The following ERAP2 variants were observed in gnomAD, a reference collection of about 807,000 sequenced individuals.
ERAP2 encodes leukocyte-derived arginine aminopeptidase.
A neutral mutation model predicts 111.1 loss-of-function variants in ERAP2; 118 were observed. The ratio of observed to expected loss-of-function variants is 1.06; its 90% CI spans 0.92 to 1.24. The LOEUF is 1.24. ERAP2 is among the 50% of genes most tolerant of loss of function. ERAP2 has a pLI of 0.00. For missense variants in ERAP2, 1,131 were observed against 1,125.8 expected, an observed-to-expected ratio of 1.00 and a Z score of -0.07; for synonymous variants, 410 against 401.2, an observed-to-expected ratio of 1.02 and a Z score of -0.26.
At chr5:96,889,341 G>C in intron 5 of ERAP2, 36 bp downstream of exon 5, 1 of 1,612,484 alleles carries the variant, frequency 6.2e-7, no homozygotes, top group Non-Finnish European at 8.5e-7. Context: ...CTTCATTTTT[G>C]CTCATAAAAC....
At chr5:96,893,255 T>C (rs537920288) in intron 6 of ERAP2, among the ~76,000 whole-genome samples, 2 of 152,318 alleles carry the variant, frequency 1.3e-5, no homozygotes, top group South Asian at 4.1e-4. Flanking sequence ...AGTAAATTAT[T>C]AAAGTCACCA....
chr5:96,917,650 T>C lies in ERAP2; in HGVS notation c.*45T>C. On this transcript the variant is annotated 3_prime_UTR_variant, in exon 19 of 19. Coordinates refer to ENST00000437043, the MANE Select transcript of ERAP2 (RefSeq NM_022350.5). ...GGCTGGGCGCGGTGGCTCACGCCTG[T>C]AATCCCAGCACTTTGGGAGGCTGAG... is the stretch of plus-strand genomic sequence containing the variant. 1.4e-6 allele frequency: 2 copies of C among 1,424,738 alleles called. No individual in the cohort carries two copies. The highest frequency in any genetic ancestry group is 1.2e-5 in the South Asian group (1 of 84,380). The allele number at this position is 1,424,738 out of a possible 1,614,324, so 88.3% of individuals were successfully genotyped here. A position where few individuals can be genotyped will look rare whatever the true frequency, so the allele number is the denominator to read the frequency against.
chr5:96,900,190 G>A lies in ERAP2; in HGVS notation c.1572+1G>A, dbSNP rs1253996388. ...GGATCCCAAGATGACAAGTAACATG[G>A]TAAGGATAAAGAGAGTCACAGAGTA... On this transcript the variant is annotated splice_donor_variant, in intron 10 of 18. Transcript: ENST00000437043. LOFTEE classifies it high-confidence loss of function. 1.2e-6 allele frequency: 2 copies of A among 1,613,750 alleles called. No homozygotes were observed. The highest frequency in any genetic ancestry group is 4.5e-5 in the East Asian group (2 of 44,870).
chr5:96,911,080 T>C, intron 15 of ERAP2, among the ~76,000 whole-genome samples: 1 of 152,332 alleles, frequency 6.6e-6, no homozygotes, highest in Admixed American at 6.5e-5. Context: ...ATAGAGGAAG[T>C]AGCCAAAGCA....
intron 1 of ERAP2, among the ~76,000 whole-genome samples, chr5:96,877,377 CTT>C (rs1163507205): frequency 6.6e-6 from 1 of 152,202 alleles, no homozygotes; most frequent in African/African-American, 2.4e-5. Flanking sequence ...TCTCTCTACT[CTT>C]ATCAATCAAG....
chr5:96,889,066 G>A lies in ERAP2; in HGVS notation c.850-119G>A. ...TATCCTTATTGACAACATGCTTAAT[G>A]GTATCTTAATACTTTCTTGAAAAGA... On this transcript the variant is annotated intron_variant, in intron 4 of 18. Transcript: ENST00000437043. The A allele has an allele frequency of 5.9e-6, 7 of 1,186,974 alleles. 1 individual carries two copies. Among genetic ancestry groups the A allele is most frequent in the Middle Eastern group, 2.0e-4 (1 of 5,060 alleles). The allele number at this position is 1,186,974 out of a possible 1,614,324, so 73.5% of individuals were successfully genotyped here. A position where few individuals can be genotyped will look rare whatever the true frequency, so the allele number is the denominator to read the frequency against.
At chr5:96,889,614 T>C in intron 5 of ERAP2, 1 of 650,866 alleles carries the variant, frequency 1.5e-6, no homozygotes, top group Admixed American at 2.4e-5. Flanking sequence ...AGGTAGAGGG[T>C]CCAGGAAAGA....
rs978341044 is a variant in ERAP2, at chr5:96,909,690, C to T, written c.2280C>T (p.Asp760=). 2.5e-6 allele frequency: 4 copies of T among 1,614,064 alleles called. No homozygotes were observed. In the African/African-American group the frequency reaches 5.3e-5, roughly 22 times the overall value. Residue 760 remains aspartate (D), a synonymous_variant, in exon 15 of 19, where the codon GAC becomes GAT. Coordinates refer to ENST00000437043, the MANE Select transcript of ERAP2 (RefSeq NM_022350.5). The part of the protein sequence containing the change: ...LRSALLKLAC[D]LNHAPCIQKA... Reference sequence around the variant, plus strand: ...CGGCTCTCTTGAAGCTGGCCTGTGACCTGAACCATGCTCCTTGCATCCAGA... The same window carrying T: ...CGGCTCTCTTGAAGCTGGCCTGTGATCTGAACCATGCTCCTTGCATCCAGA...
At chr5:96,892,579 A>C in intron 6 of ERAP2, 126 bp downstream of exon 6, 1 of 1,035,304 alleles carries the variant, frequency 9.7e-7, no homozygotes, top group Non-Finnish European at 1.4e-6. Flanking sequence ...GAGACTACTA[A>C]ACCTAACACA....
chr5:96,889,058 T>G (rs1784056458), intron 4 of ERAP2, 127 bp from the exon 5 acceptor site: 2 of 1,133,114 alleles, frequency 1.8e-6, no homozygotes, highest in Admixed American at 2.6e-5. Context: ...ATTGACAACA[T>G]GCTTAATGGT....
In ERAP2 at chr5:96,879,961, TG is replaced by T. The variant is rs1323442116; in HGVS notation, c.277del (p.Ala93HisfsTer39). On this transcript the variant is annotated frameshift_variant, in exon 2 of 19. Transcript: ENST00000437043. LOFTEE classifies it high-confidence loss of function. ...HPNLTSLDFVASEKIEVLVSN... is the reference protein window; with the variant it reads ...HPNLTSLDFVXSEKIEVLVSN... ...CCAATCTCACCTCTCTGGACTTTGT[TG>T]CATCTGAGAAGATCGAAGTCTTGGT... is the stretch of plus-strand genomic sequence containing the variant. 1.9e-6 allele frequency: 3 copies of T among 1,614,080 alleles called. No homozygotes were observed. In the African/African-American group the frequency reaches 4.0e-5, roughly 22 times the overall value.
chr5:96,879,928 T>A lies in ERAP2; in HGVS notation c.243T>A (p.Phe81Leu). Residue 81 changes from phenylalanine (F) to leucine (L), a missense_variant, in exon 2 of 19, where the codon TTT (phenylalanine) becomes TTA (leucine). Transcript: ENST00000437043. ...SVVIPLHYDL[F>L]VHPNLTSLDF... ...TCATTCCTCTCCATTATGACCTCTT[T>A]GTCCACCCCAATCTCACCTCTCTGG... The A allele has an allele frequency of 6.2e-7, 1 of 1,614,200 alleles. No homozygotes were observed. Among genetic ancestry groups the A allele is most frequent in the East Asian group, 2.2e-5 (1 of 44,884 alleles).
chr5:96,898,265 A>T (rs1168389021), intron 9 of ERAP2, among the ~76,000 whole-genome samples: 2 of 152,034 alleles, frequency 1.3e-5, no homozygotes, highest in East Asian at 3.9e-4. Context: ...AAGCACTTTC[A>T]TGTTGATTAT....
chr5:96,903,550 C>T lies in ERAP2; in HGVS notation c.2002C>T (p.Gln668Ter). The T allele has an allele frequency of 6.3e-7, 1 of 1,596,840 alleles. No individual in the cohort carries two copies. Residue 668 changes from glutamine (Q) to a stop codon, truncating the protein, a stop_gained, in exon 13 of 19, where the codon CAG becomes TAG. Coordinates refer to ENST00000437043, the MANE Select transcript of ERAP2 (RefSeq NM_022350.5). LOFTEE classifies it high-confidence loss of function. ...DRVGLIHDVF[Q>*]LVGAGRLTLD... ...AGTAGGTCTGATTCATGATGTGTTT[C>T]AGCTAGTTGGGTAAGGCAACATTTC...
chr5:96,878,319 G>C (rs1782764848), intron 1 of ERAP2, among the ~76,000 whole-genome samples: 1 of 152,036 alleles, frequency 6.6e-6, no homozygotes, highest in Admixed American at 6.6e-5. Context: ...TACCTACCTT[G>C]ACCAGCAACC....
At position 96,913,359 on chromosome 5, in the gene ERAP2, G is replaced by A; in HGVS notation, c.2559G>A (p.Gln853=). The A allele has an allele frequency of 1.2e-6, 2 of 1,614,100 alleles. No individual in the cohort carries two copies. Among genetic ancestry groups the A allele is most frequent in the East Asian group, 4.5e-5 (2 of 44,874 alleles). ...LGMEGKVIKT[Q]NLAALLHAIA... is the part of the protein sequence containing the mutation. ...TGGAAGGAAAGGTTATCAAGACACA[G>A]AACTTGGCAGCTCTCCTTCATGCGA... The change falls in exon 17 of 19, where the codon CAG becomes CAA. Residue 853 remains glutamine, a synonymous_variant. Coordinates refer to ENST00000437043, the MANE Select transcript of ERAP2 (RefSeq NM_022350.5).
Position 96,886,733 on chromosome 5 carries a change from G to A in ERAP2, c.793G>A (p.Ala265Thr), listed in dbSNP as rs781362542. ...TGTAAAAATGAGTACATACCTTGTA[G>A]CCTACATAGTTTGTGATTTCCACTC... ...TTVKMSTYLV[A>T]YIVCDFHSLS... Residue 265 changes from alanine to threonine, a missense_variant, in exon 4 of 19, where the codon GCC (alanine) becomes ACC (threonine). By Grantham distance (58) the Ala-to-Thr change is moderately conservative (BLOSUM62 0). This residue lies in a region of ERAP2 where 847 missense variants were observed against 856.5 expected (regional missense o/e 0.99). Transcript: ENST00000437043. 40 of 1,541,268 alleles carry A rather than the reference G, an allele frequency of 2.6e-5. No individual in the cohort carries two copies. In the South Asian group the frequency reaches 4.7e-4, roughly 18 times the overall value.
intron 16 of ERAP2, among the ~76,000 whole-genome samples, 172 bp from the exon 17 acceptor site, chr5:96,913,145 A>AATAACAT (rs1176184146): frequency 4.9e-4 from 75 of 152,244 alleles, no homozygotes; most frequent in Admixed American, 4.9e-3. Context: ...ATAGGAACAA[A>AATAACAT]ATAAAAATTA....
At chr5:96,891,481 A>G (rs571949173) in intron 5 of ERAP2, among the ~76,000 whole-genome samples, 24 of 88,848 alleles carry the variant, frequency 2.7e-4, no homozygotes, top group Middle Eastern at 7.7e-3. Flanking sequence ...GTATATATAT[A>G]TATGTGTGTG....
Sources: allele counts gnomAD v4.1 joint callset (sites outside exome capture counted in the v4.1 genomes callset), GRCh38; gene constraint gnomAD v4.1.1; regional missense constraint gnomAD v4.1.1; transcripts MANE v1.5; gene names NCBI Gene and HGNC (gene_info 2026-07-23, HGNC 2026-07-21).